Variants in CCDC97 observed in about 807,000 individuals in gnomAD.
CCDC97 encodes the protein coiled-coil domain containing 97, also known as coiled-coil domain-containing protein 97.
In CCDC97, 27 loss-of-function variants were observed where a neutral mutation model predicts 33.9. The ratio of observed to expected loss-of-function variants is 0.80; its 90% CI spans 0.59 to 1.10. The LOEUF is 1.10. Ranked by LOEUF, CCDC97 falls within the 50% of genes least tolerant of loss-of-function variation. The pLI is 0.00. For synonymous variants in CCDC97, 217 were observed against 194.0 expected (o/e 1.12, Z -0.99); for missense variants, 422 against 476.6 (o/e 0.89, Z 1.07).
At chr19:41,312,790 CCTT>C (rs900392944) in intron 1 of CCDC97, among the ~76,000 whole-genome samples, 5 of 151,940 alleles carry the variant, frequency 3.3e-5, no homozygotes, top group African/African-American at 1.2e-4. Flanking sequence ...TTTGACGTTG[CCTT>C]CTTTTTTTTT....
In CCDC97 at chr19:41,316,550, C is replaced by T. The variant is rs373386903; in HGVS notation, c.213C>T (p.Ala71=). The change falls in exon 2 of 5, where the codon GCC becomes GCT. Residue 71 remains alanine (A), a synonymous_variant. Transcript: ENST00000269967. ...AAVSAMLHAV[A]ASRLPVCSQQ... is the part of the protein sequence containing the mutation. ...TGAGTGCTATGCTGCACGCTGTAGC[C>T]GCCAGCCGCCTGCCTGTTTGCAGCC... 42 of 1,614,118 alleles carry T rather than the reference C, an allele frequency of 2.6e-5. No individual in the cohort carries two copies. Among genetic ancestry groups the T allele is most frequent in the South Asian group, 1.4e-4 (13 of 91,094 alleles).
chr19:41,311,823 CAGG>C (rs1265795655), intron 1 of CCDC97, among the ~76,000 whole-genome samples: 5 of 152,016 alleles, frequency 3.3e-5, no homozygotes, highest in African/African-American at 9.7e-5. Flanking sequence ...CACTTGAGCC[CAGG>C]AGGTCAAAGC....
At chr19:41,318,416 C>G (rs536953891) in intron 2 of CCDC97, among the ~76,000 whole-genome samples, 26 of 152,264 alleles carry the variant, frequency 1.7e-4, no homozygotes, top group Admixed American at 4.6e-4. Context: ...CGAGATCACA[C>G]CACTACACTC....
intron 1 of CCDC97, among the ~76,000 whole-genome samples, chr19:41,313,863 C>T (rs755720806): frequency 7.2e-5 from 11 of 152,062 alleles, no homozygotes; most frequent in Non-Finnish European, 7.4e-5. Flanking sequence ...CCATGCCCAG[C>T]TGATTTTTGT....
At chr19:41,319,377 G>A (rs916728700) in intron 2 of CCDC97, among the ~76,000 whole-genome samples, 197 bp from the exon 3 acceptor site, 4 of 151,188 alleles carry the variant, frequency 2.6e-5, no homozygotes, top group Non-Finnish European at 4.5e-5. Flanking sequence ...TTATTCACAC[G>A]CACGCCTCAG....
chr19:41,321,670 C>T (rs1185201779), intron 4 of CCDC97, among the ~76,000 whole-genome samples: 2 of 152,156 alleles, frequency 1.3e-5, no homozygotes, highest in African/African-American at 4.8e-5. Context: ...GGGAAGGCCT[C>T]TCTGAGGGGC....
intron 3 of CCDC97, 105 bp downstream of exon 3, chr19:41,319,957 G>A (rs918402865): frequency 9.5e-5 from 60 of 632,234 alleles, no homozygotes; most frequent in Non-Finnish European, 1.4e-4. Context: ...TGCAAAAGCC[G>A]ACATTGCGTC....
At chr19:41,311,691 C>T (rs1008090215) in intron 1 of CCDC97, among the ~76,000 whole-genome samples, 3 of 151,708 alleles carry the variant, frequency 2.0e-5, no homozygotes, top group Non-Finnish European at 4.4e-5. Context: ...GAGCAGAGAT[C>T]GCACCACTGT....
rs1308595094 is a variant in CCDC97, at chr19:41,322,940, T to G, written c.*225T>G. 2.5e-6 allele frequency: 1 copy of G among 400,636 alleles called. No individual in the cohort carries two copies. Among genetic ancestry groups the G allele is most frequent in the Non-Finnish European group, 4.5e-6 (1 of 219,878 alleles). 24.8% of individuals were successfully genotyped at this position (400,636 alleles called of 1,614,324 possible). A position where few individuals can be genotyped will look rare whatever the true frequency, so the allele number is the denominator to read the frequency against. ...CCCACCCTGTCTCCTGCCTCTGTCT[T>G]TCTTGGTGTCTGTCTGGGCTTCTTT... is the stretch of plus-strand genomic sequence containing the variant. On this transcript the variant is annotated 3_prime_UTR_variant, in exon 5 of 5. Transcript: ENST00000269967.
chr19:41,320,057 G>A (rs781774891), intron 3 of CCDC97, among the ~76,000 whole-genome samples: 29 of 151,944 alleles, frequency 1.9e-4, no homozygotes, highest in Non-Finnish European at 2.9e-4. Context: ...ATGAACCCTC[G>A]CCTCCAGGTC....
At position 41,322,726 on chromosome 19, in the gene CCDC97, C is replaced by T. The variant is rs752750383; in HGVS notation, c.*11C>T. ...CTGGATGGGGACTGATGGCCGCCAC[C>T]CTTCCCACCGCCTGCCCCATCCCCA... On this transcript the variant is annotated 3_prime_UTR_variant, in exon 5 of 5. Transcript: ENST00000269967. 1.9e-6 allele frequency: 3 copies of T among 1,611,666 alleles called. No homozygotes were observed. In the South Asian group the frequency reaches 3.3e-5, roughly 18 times the overall value.
chr19:41,319,154 G>C (rs1347235512), intron 2 of CCDC97, among the ~76,000 whole-genome samples: 1 of 152,202 alleles, frequency 6.6e-6, no homozygotes, highest in Non-Finnish European at 1.5e-5. Context: ...GAGCCTCAGA[G>C]GCCAGGATGT....
rs577534470 is a variant in CCDC97 at position 41,320,031 on chromosome 19, C to G, written c.781+179C>G. On this transcript the variant is annotated intron_variant, in intron 3 of 4. Transcript: ENST00000269967. ...CAACCGCTGCAGCATCCCCATCCCC[C>G]ACTCTGAGGCACCAAATGAACCCTC... Among the ~76,000 whole-genome samples the G allele has an allele frequency of 2.6e-5, 4 of 152,306 alleles. No individual in the cohort carries two copies. In the East Asian group the frequency reaches 7.7e-4, roughly 29 times the overall value.
intron 1 of CCDC97, 187 bp downstream of exon 1, chr19:41,310,543 C>T (rs1568467219): frequency 8.1e-6 from 8 of 985,232 alleles, no homozygotes; most frequent in Non-Finnish European, 9.6e-6. Context: ...TTCTTTTCCT[C>T]CATTCCTTCC....
At position 41,320,398 on chromosome 19, in the gene CCDC97, T is replaced by A. The variant is rs371069696; in HGVS notation, c.839T>A (p.Ile280Asn). 1 of 1,613,996 alleles carries A rather than the reference T, an allele frequency of 6.2e-7. No homozygotes were observed. Among genetic ancestry groups the A allele is most frequent in the Non-Finnish European group, 8.5e-7 (1 of 1,180,016 alleles). ...GTTCCCGACTCGGAGGAGAGGCTGA[T>A]CCTGCGAGAGGAGTTCACCAGCCGC... ...AWVPDSEERL[I>N]LREEFTSRMH... The change falls in exon 4 of 5, where the codon ATC becomes AAC. Residue 280 changes from isoleucine (I) to asparagine (N), a missense_variant. Coordinates refer to ENST00000269967, the MANE Select transcript of CCDC97 (RefSeq NM_052848.3).
chr19:41,316,077 A>G (rs1043947154), intron 1 of CCDC97, among the ~76,000 whole-genome samples: 1 of 152,152 alleles, frequency 6.6e-6, no homozygotes, highest in African/African-American at 2.4e-5. Flanking sequence ...TGGGTGACCG[A>G]GCAAGACCCT....
At chr19:41,319,465 T>C in intron 2 of CCDC97, 109 bp from the exon 3 acceptor site, 1 of 821,142 alleles carries the variant, frequency 1.2e-6, no homozygotes, top group Non-Finnish European at 2.0e-6. Flanking sequence ...ATACACACAC[T>C]TGGACTGTGT....
At position 41,319,577 on chromosome 19, in the gene CCDC97, G is replaced by A; in HGVS notation, c.506G>A (p.Gly169Asp). The A allele has an allele frequency of 6.3e-7, 1 of 1,594,976 alleles. No individual in the cohort carries two copies. Among genetic ancestry groups the A allele is most frequent in the Non-Finnish European group, 8.6e-7 (1 of 1,167,766 alleles). Residue 169 changes from glycine (G) to aspartate (D), a missense_variant, in exon 3 of 5, where the codon GGC becomes GAC. Gly to Asp is a moderately conservative substitution (Grantham distance 94). Coordinates refer to ENST00000269967, the MANE Select transcript of CCDC97 (RefSeq NM_052848.3). Reference sequence around the variant, plus strand: ...ACCCTGTCTCTCCTCTGTGCAGGGGGCGAGTACTTCAGTGATGAGCAGATG... The same window carrying A: ...ACCCTGTCTCTCCTCTGTGCAGGGGACGAGTACTTCAGTGATGAGCAGATG... ...YAALRELIQG[G>D]EYFSDEQMRF...
intron 1 of CCDC97, among the ~76,000 whole-genome samples, chr19:41,311,959 A>T (rs921257813): frequency 3.9e-5 from 6 of 152,188 alleles, no homozygotes; most frequent in African/African-American, 1.4e-4. Flanking sequence ...AGTCATGTAT[A>T]CTTGGTCTTC....
Sources: gnomAD v4.1 joint callset for allele counts (sites outside exome capture counted in the v4.1 genomes callset) on GRCh38, gnomAD v4.1.1 for gene constraint, MANE v1.5 for transcripts, NCBI Gene and HGNC (gene_info 2026-07-23, HGNC 2026-07-21) for gene names.